Variants in PRKAR2B observed in about 807,000 individuals in gnomAD.
PRKAR2B encodes the protein protein kinase cAMP-dependent type II regulatory subunit beta.
Under a neutral mutation model 49.9 loss-of-function variants are expected in PRKAR2B, and 14 were observed. The observed-to-expected ratio is 0.28, with a 90% CI of 0.19 to 0.44. PRKAR2B has a LOEUF of 0.44. Ranked by LOEUF, PRKAR2B falls within the 20% of genes least tolerant of loss-of-function variation. The pLI is 1.00. For synonymous variants in PRKAR2B, 196 were observed against 197.7 expected (o/e 0.99, Z 0.07); for missense variants, 393 against 537.9 (o/e 0.73, Z 2.67).
At chr7:107,157,415 C>A in intron 10 of PRKAR2B, 91 bp downstream of exon 10, 1 of 1,436,678 alleles carries the variant, frequency 7.0e-7, no homozygotes, top group South Asian at 1.5e-5. Context: ...TTATTGGGTT[C>A]ACAGGTTTTG....
At chr7:107,146,236 CTT>C in intron 5 of PRKAR2B, 70 bp from the exon 6 acceptor site, 1 of 1,471,790 alleles carries the variant, frequency 6.8e-7, no homozygotes, top group South Asian at 1.3e-5. Context: ...TCACAGGGCT[CTT>C]TTCTGAAATA....
chr7:107,094,880 A>T (rs1794805729), intron 2 of PRKAR2B, among the ~76,000 whole-genome samples: 1 of 152,006 alleles, frequency 6.6e-6, no homozygotes, highest in Non-Finnish European at 1.5e-5. Context: ...TGTTTTGGTA[A>T]CAGTACCATG....
At chr7:107,152,548 C>T (rs940262365) in intron 7 of PRKAR2B, among the ~76,000 whole-genome samples, 12 of 152,284 alleles carry the variant, frequency 7.9e-5, no homozygotes, top group Non-Finnish European at 1.3e-4. Flanking sequence ...CTTCATTTTC[C>T]ATACTTCATC....
At chr7:107,065,141 C>T (rs1393238672) in intron 1 of PRKAR2B, among the ~76,000 whole-genome samples, 1 of 152,140 alleles carries the variant, frequency 6.6e-6, no homozygotes, top group Non-Finnish European at 1.5e-5. Context: ...GTGTTTGTTG[C>T]TAGAAAAGGT....
intron 2 of PRKAR2B, among the ~76,000 whole-genome samples, chr7:107,097,655 TC>T (rs1168791732): frequency 6.6e-6 from 1 of 152,228 alleles, no homozygotes; most frequent in Non-Finnish European, 1.5e-5. Context: ...TACCAGTTGT[TC>T]CTTTCCATGT....
At chr7:107,068,229 A>G (rs1268747226) in intron 1 of PRKAR2B, among the ~76,000 whole-genome samples, 1 of 152,190 alleles carries the variant, frequency 6.6e-6, no homozygotes, top group Admixed American at 6.5e-5. Flanking sequence ...CTTTTAAACC[A>G]GGAGCTCATA....
Position 107,161,591 on chromosome 7 carries a change from T to C in PRKAR2B, c.*2009T>C, listed in dbSNP as rs1653098789. On this transcript the variant is annotated 3_prime_UTR_variant, in exon 11 of 11. Transcript: ENST00000265717. ...ATGCATAATTCATTGAAAAGCATGA[T>C]AGCAATGTGGCATGTGGAAGCGAAC... is the stretch of plus-strand genomic sequence containing the variant. The C allele has an allele frequency of 1.3e-5, 2 of 152,764 alleles. No homozygotes were observed. Among genetic ancestry groups the C allele is most frequent in the East Asian group, 1.9e-4 (1 of 5,184 alleles). The allele number at this position is 152,764 out of a possible 1,614,324, so 9.5% of individuals were successfully genotyped here.
chr7:107,049,327 C>G (rs1793758180), intron 1 of PRKAR2B, among the ~76,000 whole-genome samples: 1 of 152,154 alleles, frequency 6.6e-6, no homozygotes, highest in Admixed American at 6.5e-5. Flanking sequence ...AGCTGATTTT[C>G]TGAGTTATAG....
intron 2 of PRKAR2B, among the ~76,000 whole-genome samples, chr7:107,090,637 C>T (rs936586696): frequency 2.6e-5 from 4 of 152,198 alleles, no homozygotes; most frequent in Non-Finnish European, 2.9e-5. Flanking sequence ...AGCTTCCTTT[C>T]CAGCCTAAGG....
At chr7:107,081,169 A>G (rs1351701422) in intron 2 of PRKAR2B, among the ~76,000 whole-genome samples, 1 of 152,216 alleles carries the variant, frequency 6.6e-6, no homozygotes, top group Non-Finnish European at 1.5e-5. Flanking sequence ...ATGTATTACA[A>G]CTAACTCCCC....
At chr7:107,135,227 A>C (rs1388157275) in intron 4 of PRKAR2B, among the ~76,000 whole-genome samples, 1 of 152,220 alleles carries the variant, frequency 6.6e-6, no homozygotes, top group Non-Finnish European at 1.5e-5. Flanking sequence ...GAGAAATACA[A>C]ATCAAAACTA....
Position 107,062,125 on chromosome 7 carries a change from A to T in PRKAR2B, c.308-8156A>T, listed in dbSNP as rs142504646. Reference sequence around the variant, plus strand: ...CACTTAGGAAAACTGTGGGTATGTTATAAAGTTAAGCATTCACCCACCTAT... The same window carrying T: ...CACTTAGGAAAACTGTGGGTATGTTTTAAAGTTAAGCATTCACCCACCTAT... On this transcript the variant is annotated intron_variant, in intron 1 of 10. Transcript: ENST00000265717. Among the ~76,000 whole-genome samples the T allele has an allele frequency of 3.9e-5, 6 of 152,302 alleles. No individual in the cohort carries two copies. In the East Asian group the frequency reaches 1.2e-3, roughly 29 times the overall value.
At chr7:107,145,274 T>C (rs1795869947) in intron 5 of PRKAR2B, among the ~76,000 whole-genome samples, 1 of 152,226 alleles carries the variant, frequency 6.6e-6, no homozygotes, top group Admixed American at 6.5e-5. Flanking sequence ...AGAGTGTTTA[T>C]ATTGCAGTGA....
chr7:107,114,154 G>A (rs765662367), intron 2 of PRKAR2B, among the ~76,000 whole-genome samples: 10 of 152,042 alleles, frequency 6.6e-5, no homozygotes, highest in Non-Finnish European at 1.3e-4. Context: ...CAGTGATTGA[G>A]TACACATACT....
At chr7:107,086,415 T>G (rs529205048) in intron 2 of PRKAR2B, among the ~76,000 whole-genome samples, 1 of 152,296 alleles carries the variant, frequency 6.6e-6, no homozygotes, top group South Asian at 2.1e-4. Flanking sequence ...TGAGAATATA[T>G]GCTTGCTAGT....
rs181008554 is a variant in PRKAR2B, at chr7:107,051,322, A to G, written c.307+6108A>G. ...TTCTTTTTCAATGAAGTGAAATCTAATATTAGACTATATTTTCCTATCACT... is the reference window on the plus strand; with the variant it reads ...TTCTTTTTCAATGAAGTGAAATCTAGTATTAGACTATATTTTCCTATCACT... On this transcript the variant is annotated intron_variant, in intron 1 of 10. Coordinates refer to ENST00000265717, the MANE Select transcript of PRKAR2B (RefSeq NM_002736.3). Among the ~76,000 whole-genome samples, 40 of 152,342 alleles carry G rather than the reference A, an allele frequency of 2.6e-4. No individual in the cohort carries two copies. In the East Asian group the frequency reaches 7.3e-3, roughly 28 times the overall value.
At chr7:107,119,440 T>C (rs747479071) in intron 2 of PRKAR2B, among the ~76,000 whole-genome samples, 52 of 151,364 alleles carry the variant, frequency 3.4e-4, no homozygotes, top group African/African-American at 1.2e-3. Context: ...TGTTTCGTTT[T>C]GTTTTGTTTT....
intron 2 of PRKAR2B, among the ~76,000 whole-genome samples, chr7:107,112,214 A>G (rs993037340): frequency 1.3e-5 from 2 of 150,654 alleles, no homozygotes; most frequent in Admixed American, 6.6e-5. Flanking sequence ...CCAAAAACCA[A>G]ACTAGGCATC....
At chr7:107,045,324 T>C in intron 1 of PRKAR2B, 110 bp downstream of exon 1, 2 of 933,458 alleles carry the variant, frequency 2.1e-6, no homozygotes, top group Non-Finnish European at 3.1e-6. Context: ...CTCCCCGCAT[T>C]CTCCACCTTT....
Sources: gnomAD v4.1 joint callset for allele counts (sites outside exome capture counted in the v4.1 genomes callset) on GRCh38, gnomAD v4.1.1 for gene constraint, MANE v1.5 for transcripts, NCBI Gene and HGNC (gene_info 2026-07-23, HGNC 2026-07-21) for gene names.